Variants in PRR16 observed in about 807,000 individuals in gnomAD.
The protein encoded by PRR16 is proline rich 16.
Under a neutral mutation model 18.2 loss-of-function variants are expected in PRR16, and 6 were observed. The observed-to-expected ratio is 0.33, with a 90% CI of 0.18 to 0.65. The LOEUF (loss-of-function observed/expected upper bound fraction) is 0.65. Among genes scored for constraint, PRR16 ranks in the 30% least tolerant of loss-of-function variants. The pLI is 0.74. For missense variants in PRR16, 412 were observed against 376.6 expected (o/e 1.09, Z -0.78); for synonymous variants, 151 against 147.8 (o/e 1.02, Z -0.16).
chr5:120,734,107 T>C, the PRR16 span, among the ~76,000 whole-genome samples: 1 of 152,182 alleles, frequency 6.6e-6, no homozygotes, highest in Admixed American at 6.5e-5. Context: ...ACACAGGGGA[T>C]GTAAGCCCTA....
the PRR16 span, among the ~76,000 whole-genome samples, chr5:120,739,500 T>G: frequency 6.6e-6 from 1 of 152,148 alleles, no homozygotes; most frequent in Non-Finnish European, 1.5e-5. Flanking sequence ...GCTGTGCATA[T>G]AAAAATCAGT....
chr5:120,521,663 C>G (rs1751184613), intron 1 of PRR16, among the ~76,000 whole-genome samples: 1 of 151,864 alleles, frequency 6.6e-6, no homozygotes, highest in African/African-American at 2.4e-5. Flanking sequence ...CATTCAAAAT[C>G]TCTTCTTCTT....
chr5:120,629,934 T>C (rs1272513897), intron 1 of PRR16, among the ~76,000 whole-genome samples: 3 of 152,092 alleles, frequency 2.0e-5, no homozygotes, highest in Non-Finnish European at 4.4e-5. Context: ...ATTGGCACTT[T>C]ATCTGTCTCC....
At chr5:120,642,257 G>T (rs963877971) in intron 1 of PRR16, among the ~76,000 whole-genome samples, 1 of 122,094 alleles carries the variant, frequency 8.2e-6, no homozygotes, top group Non-Finnish European at 1.9e-5. Flanking sequence ...TTCTTCAACA[G>T]CTGTTTTTTT....
chr5:120,776,519 C>T, the PRR16 span, among the ~76,000 whole-genome samples: 2 of 151,812 alleles, frequency 1.3e-5, no homozygotes, highest in Non-Finnish European at 2.9e-5. Context: ...AACATTAGAG[C>T]TTGGATTTCA....
chr5:120,770,064 G>T, the PRR16 span, among the ~76,000 whole-genome samples: 1 of 151,784 alleles, frequency 6.6e-6, no homozygotes, highest in Non-Finnish European at 1.5e-5. Context: ...ATTGTTAATT[G>T]TTGAGTTACA....
In PRR16 at chr5:120,596,122, AT is replaced by A. The variant is rs780907137; in HGVS notation, c.160-89824del. Among the ~76,000 whole-genome samples, 9 of 108,136 alleles carry A rather than the reference AT, an allele frequency of 8.3e-5. No homozygotes were observed. In the South Asian group the frequency reaches 2.1e-3, roughly 25 times the overall value. 70.9% of individuals were successfully genotyped at this position (108,136 alleles called of 152,430 possible). ...TTATCTGTCTCATTCCAGATGTTCT[AT>A]TTTTTTTATCTCTTGTCTTTTTTTT... is the stretch of plus-strand genomic sequence containing the variant. On this transcript the variant is annotated intron_variant, in intron 1 of 1. Coordinates refer to ENST00000407149, the MANE Select transcript of PRR16 (RefSeq NM_001300783.2).
chr5:120,739,008 T>TAACA, the PRR16 span, among the ~76,000 whole-genome samples: 1 of 152,090 alleles, frequency 6.6e-6, no homozygotes, highest in Non-Finnish European at 1.5e-5. Flanking sequence ...CTTCAGGCAC[T>TAACA]AACAAAGAAT....
chr5:120,696,321 T>C, the PRR16 span, among the ~76,000 whole-genome samples: 1 of 151,888 alleles, frequency 6.6e-6, no homozygotes, highest in African/African-American at 2.4e-5. Context: ...AAAATATATA[T>C]AAAAAAATTA....
chr5:120,709,266 C>T, the PRR16 span, among the ~76,000 whole-genome samples: 1 of 151,932 alleles, frequency 6.6e-6, no homozygotes, highest in Admixed American at 6.6e-5. Context: ...CTGGGCCTCC[C>T]AAAGTACTAG....
At chr5:120,499,259 A>G (rs573840133) in intron 1 of PRR16, among the ~76,000 whole-genome samples, 70 of 151,978 alleles carry the variant, frequency 4.6e-4, no homozygotes, top group African/African-American at 1.6e-3. Context: ...ACAGGCAGGC[A>G]CCACCACGCC....
chr5:120,470,811 C>G (rs1749243807), intron 1 of PRR16, among the ~76,000 whole-genome samples: 2 of 152,116 alleles, frequency 1.3e-5, no homozygotes, highest in African/African-American at 4.8e-5. Context: ...GTCATTTGCC[C>G]AACTCACTTG....
intron 1 of PRR16, among the ~76,000 whole-genome samples, chr5:120,536,491 T>A (rs1751719981): frequency 6.6e-6 from 1 of 152,228 alleles, no homozygotes; most frequent in Non-Finnish European, 1.5e-5. Flanking sequence ...ACAGATGAAA[T>A]GTCCAAAAAT....
At chr5:120,671,889 A>G (rs1168999234) in intron 1 of PRR16, among the ~76,000 whole-genome samples, 1 of 152,224 alleles carries the variant, frequency 6.6e-6, no homozygotes, top group African/African-American at 2.4e-5. Flanking sequence ...TTATTACTTC[A>G]AAAGTTTATA....
chr5:120,672,782 A>C (rs951679798), intron 1 of PRR16, among the ~76,000 whole-genome samples: 1 of 152,218 alleles, frequency 6.6e-6, no homozygotes, highest in Non-Finnish European at 1.5e-5. Context: ...AAATACGAAA[A>C]GAGATTATAG....
intron 1 of PRR16, among the ~76,000 whole-genome samples, chr5:120,513,836 G>T (rs537037854): frequency 1.3e-5 from 2 of 148,530 alleles, no homozygotes; most frequent in South Asian, 4.2e-4. Context: ...TCTGCTCATT[G>T]CAACCTCCGC....
chr5:120,663,738 G>A (rs1756258402), intron 1 of PRR16, among the ~76,000 whole-genome samples: 1 of 152,098 alleles, frequency 6.6e-6, no homozygotes, highest in Non-Finnish European at 1.5e-5. Context: ...TTTTGGGAAA[G>A]GATTATTATT....
chr5:120,732,840 G>A, the PRR16 span, among the ~76,000 whole-genome samples: 2 of 152,010 alleles, frequency 1.3e-5, no homozygotes, highest in Non-Finnish European at 2.9e-5. Flanking sequence ...ATAAATGGAA[G>A]AAAAAGGAAT....
the PRR16 span, among the ~76,000 whole-genome samples, chr5:120,699,069 C>T: frequency 6.6e-6 from 1 of 151,992 alleles, no homozygotes; most frequent in African/African-American, 2.4e-5. Context: ...TATTTTAGTT[C>T]CCTGACTCGG....
Sources: gnomAD v4.1 joint callset for allele counts (sites outside exome capture counted in the v4.1 genomes callset) on GRCh38, gnomAD v4.1.1 for gene constraint, MANE v1.5 for transcripts, NCBI Gene and HGNC (gene_info 2026-07-23, HGNC 2026-07-21) for gene names.